The following CNTNAP2 variants were observed in gnomAD, a reference collection of about 807,000 sequenced individuals.
The protein encoded by CNTNAP2 is contactin-associated protein-like 2.
CNTNAP2 carries 98 observed loss-of-function variants against 155.2 expected under a neutral mutation model. The ratio of observed to expected loss-of-function variants is 0.63; its 90% CI spans 0.54 to 0.75. CNTNAP2 has a LOEUF of 0.75. CNTNAP2 is among the 30% of genes least tolerant of loss of function. CNTNAP2 has a pLI of 0.00. For missense variants in CNTNAP2, 1,727 were observed against 1,688.1 expected, an observed-to-expected ratio of 1.02 and a Z score of -0.40; for synonymous variants, 651 against 631.2, an observed-to-expected ratio of 1.03 and a Z score of -0.47.
intron 8 of CNTNAP2, among the ~76,000 whole-genome samples, chr7:147,133,730 C>A (rs903590237): frequency 6.6e-6 from 1 of 151,900 alleles, no homozygotes; most frequent in Non-Finnish European, 1.5e-5. Context: ...TTGTGTGTGG[C>A]CTGAATGTAT....
intron 1 of CNTNAP2, among the ~76,000 whole-genome samples, chr7:146,603,580 T>C (rs1798987499): frequency 6.7e-6 from 1 of 150,114 alleles, no homozygotes; most frequent in Non-Finnish European, 1.5e-5. Context: ...TACTTTAAAG[T>C]TCATATGGAA....
intron 18 of CNTNAP2, among the ~76,000 whole-genome samples, chr7:148,184,736 T>C (rs1038178674): frequency 2.0e-5 from 3 of 152,224 alleles, no homozygotes; most frequent in African/African-American, 4.8e-5. Context: ...TTATATTATA[T>C]AGAACAGTGG....
intron 4 of CNTNAP2, among the ~76,000 whole-genome samples, chr7:147,044,521 T>A (rs1192876578): frequency 6.6e-6 from 1 of 152,178 alleles, no homozygotes; most frequent in Non-Finnish European, 1.5e-5. Context: ...CTAAAGCCAA[T>A]CACTGGGTTT....
At chr7:146,798,655 C>T (rs964428304) in intron 2 of CNTNAP2, among the ~76,000 whole-genome samples, 5 of 152,106 alleles carry the variant, frequency 3.3e-5, no homozygotes, top group Non-Finnish European at 5.9e-5. Flanking sequence ...CATAATTTAG[C>T]ACTTCTATCA....
chr7:146,702,790 T>C (rs1344459191), intron 1 of CNTNAP2, among the ~76,000 whole-genome samples: 1 of 152,118 alleles, frequency 6.6e-6, no homozygotes, highest in Non-Finnish European at 1.5e-5. Context: ...TAATCAAAAA[T>C]TAATGTTGTG....
intron 2 of CNTNAP2, among the ~76,000 whole-genome samples, chr7:146,826,853 TATATAGAG>T (rs1459584607): frequency 1.6e-4 from 23 of 140,720 alleles, no homozygotes; most frequent in East Asian, 1.5e-3. Context: ...TATATATATA[TATATAGAG>T]AGAGAGAGAG....
At chr7:146,158,526 AAC>A (rs1412393476) in intron 1 of CNTNAP2, among the ~76,000 whole-genome samples, 1 of 152,220 alleles carries the variant, frequency 6.6e-6, no homozygotes, top group African/African-American at 2.4e-5. Flanking sequence ...AACTAGAATA[AAC>A]AGTGTAGAGA....
chr7:147,685,868 C>A (rs1284409548), intron 13 of CNTNAP2, among the ~76,000 whole-genome samples: 7 of 151,742 alleles, frequency 4.6e-5, no homozygotes, highest in Non-Finnish European at 8.8e-5. Flanking sequence ...GCTCCAGGTT[C>A]TAGGACTAGC....
At chr7:146,230,127 G>T (rs896098934) in intron 1 of CNTNAP2, among the ~76,000 whole-genome samples, 1 of 152,160 alleles carries the variant, frequency 6.6e-6, no homozygotes. Context: ...TATTAAATTT[G>T]CTGTATTAGA....
At chr7:147,322,190 A>G (rs1795364361) in intron 9 of CNTNAP2, among the ~76,000 whole-genome samples, 1 of 152,174 alleles carries the variant, frequency 6.6e-6, no homozygotes. Context: ...ATCTCATACA[A>G]TGTTTACGCA....
At chr7:146,582,278 C>T (rs1443802292) in intron 1 of CNTNAP2, among the ~76,000 whole-genome samples, 1 of 152,112 alleles carries the variant, frequency 6.6e-6, no homozygotes, top group Non-Finnish European at 1.5e-5. Flanking sequence ...TATAGAATCA[C>T]ACATTTATCT....
rs1313881695 is a variant in CNTNAP2, at chr7:146,688,279, A to T, written c.98-85992A>T. On this transcript the variant is annotated intron_variant, in intron 1 of 23. Transcript: ENST00000361727. ...CAGCAATAATCATAAGAACTGTTCT[A>T]TAAGTTTCATTTCAAATTCTGCAAT... 8.5e-5 allele frequency among the ~76,000 whole-genome samples: 13 copies of T among 152,284 alleles called. No individual in the cohort carries two copies. In the East Asian group the frequency reaches 1.2e-3, roughly 14 times the overall value.
chr7:147,735,275 A>G (rs1034199461), intron 13 of CNTNAP2, among the ~76,000 whole-genome samples: 27 of 152,210 alleles, frequency 1.8e-4, no homozygotes, highest in Non-Finnish European at 3.7e-4. Context: ...TCATTTTATT[A>G]TGTACTTAGT....
chr7:147,310,235 G>C (rs2116793165), intron 9 of CNTNAP2, among the ~76,000 whole-genome samples: 1 of 152,104 alleles, frequency 6.6e-6, no homozygotes, highest in East Asian at 1.9e-4. Context: ...CAACTGGCTT[G>C]CATTGGAAAT....
chr7:146,939,531 C>G (rs1483625297), intron 3 of CNTNAP2, among the ~76,000 whole-genome samples: 1 of 152,174 alleles, frequency 6.6e-6, no homozygotes. Flanking sequence ...TTTAGAAGCA[C>G]TGCAATAGCT....
intron 3 of CNTNAP2, among the ~76,000 whole-genome samples, chr7:146,974,027 G>A (rs1426439612): frequency 2.0e-5 from 3 of 152,170 alleles, no homozygotes; most frequent in African/African-American, 4.8e-5. Context: ...TTTGCTTTAG[G>A]ATGAGGGAGA....
intron 13 of CNTNAP2, among the ~76,000 whole-genome samples, chr7:147,688,274 T>G (rs1796042514): frequency 6.6e-6 from 1 of 152,150 alleles, no homozygotes; most frequent in Non-Finnish European, 1.5e-5. Context: ...AAAATGTCGA[T>G]AGCCCCAAAG....
intron 11 of CNTNAP2, among the ~76,000 whole-genome samples, chr7:147,531,006 G>C (rs1177500078): frequency 6.6e-6 from 1 of 152,180 alleles, no homozygotes; most frequent in Non-Finnish European, 1.5e-5. Context: ...CTGAAATCCA[G>C]TGGGGCAGTC....
At chr7:146,392,309 T>TGTAATATCATTGAGAAGTATCAGGAA (rs1563066864) in intron 1 of CNTNAP2, among the ~76,000 whole-genome samples, 6 of 152,126 alleles carry the variant, frequency 3.9e-5, no homozygotes, top group African/African-American at 1.4e-4. Context: ...TAATGATCAA[T>TGTAATATCATTGAGAAGTATCAGGAA]GATGTAATAT....
Sources: gnomAD v4.1 joint callset for allele counts (sites outside exome capture counted in the v4.1 genomes callset) on GRCh38, gnomAD v4.1.1 for gene constraint, MANE v1.5 for transcripts, NCBI Gene and HGNC (gene_info 2026-07-23, HGNC 2026-07-21) for gene names.